The following CS variants were observed in gnomAD, a reference collection of about 807,000 sequenced individuals.
The protein encoded by CS is citrate synthase, also known as citrate synthase, mitochondrial.
A neutral mutation model predicts 61.4 loss-of-function variants in CS; 13 were observed. That is an observed-to-expected ratio of 0.21 (90% CI 0.14 to 0.34). The LOEUF (loss-of-function observed/expected upper bound fraction) is 0.34, where lower values mean the gene tolerates loss of function less well. Among genes scored for constraint, CS ranks in the 10% least tolerant of loss-of-function variants. CS has a pLI of 1.00. For synonymous variants in CS, 159 were observed against 215.2 expected (o/e 0.74, Z 2.29); for missense variants, 278 against 573.4 (o/e 0.48, Z 5.26).
At chr12:56,292,809 C>A (rs1191182547) in intron 1 of CS, among the ~76,000 whole-genome samples, 1 of 150,534 alleles carries the variant, frequency 6.6e-6, no homozygotes, top group Non-Finnish European at 1.5e-5. Context: ...GAGGCTGAGG[C>A]AGGAGAATGG....
intron 2 of CS, 157 bp from the exon 3 acceptor site, chr12:56,286,180 AG>A: frequency 3.3e-6 from 2 of 613,018 alleles, no homozygotes; most frequent in Non-Finnish European, 5.8e-6. Context: ...AGAATTAGGC[AG>A]GGGGAAGAAG....
chr12:56,275,295 C>A, intron 7 of CS, 164 bp from the exon 8 acceptor site: 1 of 815,448 alleles, frequency 1.2e-6, no homozygotes, highest in Non-Finnish European at 1.9e-6. Flanking sequence ...CTAATCTTGG[C>A]CAGGCACAGT....
At chr12:56,273,896 T>G (rs1174498474) in intron 9 of CS, 100 bp from the exon 10 acceptor site, 2 of 1,011,594 alleles carry the variant, frequency 2.0e-6, no homozygotes, top group African/African-American at 3.2e-5. Context: ...TGCAGTGGCA[T>G]GATCACATCT....
intron 1 of CS, chr12:56,291,532 T>G (rs1444788372): frequency 1.9e-5 from 3 of 161,472 alleles, no homozygotes; most frequent in Non-Finnish European, 4.1e-5. Context: ...AAGGCTACAT[T>G]TCATTTCCTC....
chr12:56,283,979 T>A, intron 3 of CS, 122 bp from the exon 4 acceptor site: 1 of 710,816 alleles, frequency 1.4e-6, no homozygotes, highest in Non-Finnish European at 2.4e-6. Flanking sequence ...CTCAGACTTG[T>A]AAGACTTCAT....
chr12:56,289,777 C>T lies in CS; in HGVS notation c.43-3132G>A, dbSNP rs147130707. ...ATCTTTTAAACTTTTCTTATAGAGA[C>T]GGGGGTCTTGCTATGTTGCCCCGGC... On this transcript the variant is annotated intron_variant, in intron 1 of 10. Coordinates refer to ENST00000351328, the MANE Select transcript of CS (RefSeq NM_004077.3). Among the ~76,000 whole-genome samples, 720 of 152,016 alleles carry T rather than the reference C, an allele frequency of 4.7e-3. 8 individuals are homozygous for T. Among genetic ancestry groups the T allele is most frequent in the African/African-American group, 0.017 (687 of 41,452 alleles).
intron 1 of CS, 31 bp from the exon 2 acceptor site, chr12:56,286,676 C>A (rs772350601): frequency 6.3e-7 from 1 of 1,591,926 alleles, no homozygotes; most frequent in Non-Finnish European, 8.6e-7. Flanking sequence ...CCTTATGTAA[C>A]TGTTACCCCT....
At chr12:56,283,634 A>G (rs1315506329) in intron 4 of CS, among the ~76,000 whole-genome samples, 158 bp downstream of exon 4, 1 of 152,236 alleles carries the variant, frequency 6.6e-6, no homozygotes, top group Non-Finnish European at 1.5e-5. Flanking sequence ...TTTAAAAGGT[A>G]AATTTGTTCT....
intron 3 of CS, 66 bp from the exon 4 acceptor site, chr12:56,283,923 C>A: frequency 1.6e-6 from 2 of 1,222,032 alleles, no homozygotes; most frequent in East Asian, 2.3e-5. Context: ...ATGATTCAGA[C>A]TAGAACTTGT....
At chr12:56,299,884 C>T (rs1356887756) in intron 1 of CS, 2 of 398,846 alleles carry the variant, frequency 5.0e-6, no homozygotes, top group Non-Finnish European at 9.1e-6. Context: ...CTTCCCCTTT[C>T]ATTTCAGACA....
At chr12:56,278,538 A>T (rs1032118574) in intron 6 of CS, among the ~76,000 whole-genome samples, 2 of 151,982 alleles carry the variant, frequency 1.3e-5, no homozygotes, top group African/African-American at 4.8e-5. Flanking sequence ...ACAGATCAAG[A>T]CCATCCTGGC....
chr12:56,279,152 C>G (rs868803710), intron 6 of CS, among the ~76,000 whole-genome samples: 1 of 152,234 alleles, frequency 6.6e-6, no homozygotes, highest in Non-Finnish European at 1.5e-5. Flanking sequence ...CACAATTAAA[C>G]AGCTGGTTGC....
intron 1 of CS, among the ~76,000 whole-genome samples, chr12:56,287,980 T>C (rs1010382971): frequency 1.3e-5 from 2 of 152,144 alleles, no homozygotes; most frequent in African/African-American, 4.8e-5. Context: ...TGAAATAAGA[T>C]GACCAATCAG....
intron 1 of CS, among the ~76,000 whole-genome samples, chr12:56,287,340 G>A (rs560193621): frequency 6.6e-6 from 1 of 151,890 alleles, no homozygotes; most frequent in African/African-American, 2.4e-5. Context: ...TTAGCCAGGC[G>A]TGGTATGGGC....
Position 56,282,950 on chromosome 12 carries a change from T to C in CS, c.309A>G (p.Lys103=). Reference sequence around the variant, plus strand: ...CCCCACCCTTAGCCTTGGGTAGCAGTTTCTGGCATTCAGGGATACTAAAGC... The same window carrying C: ...CCCCACCCTTAGCCTTGGGTAGCAGCTTCTGGCATTCAGGGATACTAAAGC... ...FRGFSIPECQ[K]LLPKAKGGEE... The change falls in exon 5 of 11, where the codon AAA becomes AAG. Residue 103 remains lysine, a synonymous_variant. Transcript: ENST00000351328. The C allele has an allele frequency of 6.2e-7, 1 of 1,614,144 alleles. No homozygotes were observed. The highest frequency in any genetic ancestry group is 8.5e-7 in the Non-Finnish European group (1 of 1,180,016).
Position 56,271,784 on chromosome 12 carries a change from C to T in CS, c.*1300G>A, listed in dbSNP as rs1245832887. On this transcript the variant is annotated 3_prime_UTR_variant, in exon 11 of 11. Transcript: ENST00000351328. ...GACTTGACAGTTACCCAGGGGTTTA[C>T]AGTGTGTCCAACTCAACAGTGTGGT... 4 of 436,626 alleles carry T rather than the reference C, an allele frequency of 9.2e-6. No individual in the cohort carries two copies. Among genetic ancestry groups the T allele is most frequent in the Non-Finnish European group, 1.8e-5 (4 of 217,496 alleles). The allele number at this position is 436,626 out of a possible 1,614,324, so 27.0% of individuals were successfully genotyped here. A position where few individuals can be genotyped will look rare whatever the true frequency, so the allele number is the denominator to read the frequency against.
chr12:56,299,999 T>G (rs1364837500), intron 1 of CS, 161 bp downstream of exon 1: 1 of 627,018 alleles, frequency 1.6e-6, no homozygotes, highest in African/African-American at 2.0e-5. Flanking sequence ...GCGCGGCACA[T>G]GGTCCTGTAG....
intron 7 of CS, 43 bp from the exon 8 acceptor site, chr12:56,275,174 G>A (rs1377643857): frequency 2.5e-6 from 4 of 1,612,448 alleles, no homozygotes. Context: ...AGAAAGAAGG[G>A]GCAGATTATG....
intron 1 of CS, among the ~76,000 whole-genome samples, chr12:56,296,706 C>T (rs1194239225): frequency 6.6e-6 from 1 of 152,166 alleles, no homozygotes; most frequent in Non-Finnish European, 1.5e-5. Flanking sequence ...TCGCTGCTAC[C>T]TACCATACTA....
Sources: allele counts gnomAD v4.1 joint callset (sites outside exome capture counted in the v4.1 genomes callset), GRCh38; gene constraint gnomAD v4.1.1; transcripts MANE v1.5; gene names NCBI Gene and HGNC (gene_info 2026-07-23, HGNC 2026-07-21).